PCDH15: variants seen among roughly 807,000 people sequenced by gnomAD.
PCDH15 encodes protocadherin-15.
Under a neutral mutation model 178.5 loss-of-function variants are expected in PCDH15, and 129 were observed. The observed-to-expected ratio is 0.72, with a 90% CI of 0.63 to 0.84. PCDH15 has a LOEUF of 0.84. Among genes scored for constraint, PCDH15 ranks in the 40% least tolerant of loss-of-function variants. PCDH15 has a pLI of 0.00. For synonymous variants in PCDH15, 800 were observed against 732.0 expected (o/e 1.09, Z -1.50); for missense variants, 2,230 against 2,099.9 (o/e 1.06, Z -1.21).
chr10:54,745,586 C>G (rs1396374079), intron 1 of PCDH15, among the ~76,000 whole-genome samples: 1 of 152,146 alleles, frequency 6.6e-6, no homozygotes, highest in Non-Finnish European at 1.5e-5. Context: ...TAAGGGGTTT[C>G]TGGCTGGATT....
intron 2 of PCDH15, among the ~76,000 whole-genome samples, chr10:54,562,623 G>A (rs763839833): frequency 2.6e-5 from 4 of 151,958 alleles, no homozygotes; most frequent in Non-Finnish European, 5.9e-5. Flanking sequence ...ATAATACCTA[G>A]ATATACATAC....
intron 1 of PCDH15, among the ~76,000 whole-genome samples, chr10:54,791,333 T>G (rs540873022): frequency 2.0e-5 from 3 of 152,008 alleles, no homozygotes; most frequent in African/African-American, 7.2e-5. Flanking sequence ...GAAGCAAGAT[T>G]GCAGTAGAGA....
At chr10:55,196,366 A>G in intron 1 of PCDH15, among the ~76,000 whole-genome samples, 1 of 152,078 alleles carries the variant, frequency 6.6e-6, no homozygotes, top group Non-Finnish European at 1.5e-5. Context: ...TTACCTTTCA[A>G]TGGCTTTATA....
At chr10:54,167,229 C>A (rs1310121814) in intron 13 of PCDH15, among the ~76,000 whole-genome samples, 1 of 152,128 alleles carries the variant, frequency 6.6e-6, no homozygotes, top group Non-Finnish European at 1.5e-5. Flanking sequence ...GACCTCAGGT[C>A]CTCAGACCGA....
intron 2 of PCDH15, among the ~76,000 whole-genome samples, chr10:55,602,602 T>G (rs1235772658): frequency 6.6e-6 from 1 of 151,952 alleles, no homozygotes; most frequent in African/African-American, 2.4e-5. Context: ...GCAGCCTAAC[T>G]GGGAGGCACC....
At chr10:53,888,345 TATAC>T (rs1334472490) in intron 26 of PCDH15, among the ~76,000 whole-genome samples, 3 of 70,376 alleles carry the variant, frequency 4.3e-5, no homozygotes, top group Admixed American at 2.1e-4. Context: ...CGTATATATA[TATAC>T]GTATATATAC....
intron 28 of PCDH15, among the ~76,000 whole-genome samples, chr10:53,853,325 AAC>A (rs2078513156): frequency 6.6e-6 from 1 of 152,064 alleles, no homozygotes; most frequent in Non-Finnish European, 1.5e-5. Flanking sequence ...CCTAGAATAA[AAC>A]GTATGAGAGG....
At chr10:54,302,419 A>G (rs2060198508) in intron 8 of PCDH15, among the ~76,000 whole-genome samples, 2 of 152,104 alleles carry the variant, frequency 1.3e-5, no homozygotes, top group African/African-American at 4.8e-5. Context: ...TGAAATCCTA[A>G]CCCTCAAGAT....
At chr10:54,662,585 AAG>A (rs2094508233) in intron 2 of PCDH15, among the ~76,000 whole-genome samples, 1 of 151,972 alleles carries the variant, frequency 6.6e-6, no homozygotes, top group African/African-American at 2.4e-5. Context: ...TTATAAGACT[AAG>A]AGCTACAACA....
chr10:54,910,503 A>G (rs760077196), intron 2 of PCDH15, among the ~76,000 whole-genome samples: 31 of 152,178 alleles, frequency 2.0e-4, no homozygotes, highest in Non-Finnish European at 4.1e-4. Flanking sequence ...TTAGATTAAG[A>G]TAGATGTCAT....
chr10:55,379,167 T>C (rs1837472956), intron 2 of PCDH15, among the ~76,000 whole-genome samples: 2 of 151,856 alleles, frequency 1.3e-5, no homozygotes, highest in African/African-American at 4.8e-5. Flanking sequence ...AACAAATCTT[T>C]GTTAAGAGCC....
intron 20 of PCDH15, among the ~76,000 whole-genome samples, chr10:54,014,467 A>G (rs2135205070): frequency 6.6e-6 from 1 of 152,258 alleles, no homozygotes. Context: ...AACAACAAAA[A>G]AGAAAACTTC....
At chr10:55,171,184 A>T (rs530390932) in intron 1 of PCDH15, among the ~76,000 whole-genome samples, 31 of 152,322 alleles carry the variant, frequency 2.0e-4, no homozygotes, top group Non-Finnish European at 3.5e-4. Context: ...ACTACCCTCC[A>T]GCTTTTTCCT....
At chr10:55,561,930 C>T (rs535311404) in intron 2 of PCDH15, among the ~76,000 whole-genome samples, 100 of 151,702 alleles carry the variant, frequency 6.6e-4, no homozygotes, top group Non-Finnish European at 1.0e-3. Flanking sequence ...TATTAAATGT[C>T]GTTTTATGAT....
At chr10:54,017,592 T>C (rs1160709605) in intron 20 of PCDH15, among the ~76,000 whole-genome samples, 1 of 152,076 alleles carries the variant, frequency 6.6e-6, no homozygotes, top group Non-Finnish European at 1.5e-5. Flanking sequence ...AAATATTGGG[T>C]ACTCCTGGAC....
chr10:54,107,554 T>C (rs2094938245), intron 15 of PCDH15, among the ~76,000 whole-genome samples: 1 of 152,044 alleles, frequency 6.6e-6, no homozygotes, highest in South Asian at 2.1e-4. Flanking sequence ...AATGTGGCCA[T>C]GTTTGGAAGA....
chr10:53,810,318 A>G (rs2075819375), intron 37 of PCDH15, among the ~76,000 whole-genome samples: 1 of 152,172 alleles, frequency 6.6e-6, no homozygotes, highest in Non-Finnish European at 1.5e-5. Context: ...CATAATTTTC[A>G]TTGTGCCCTT....
Position 54,519,450 on chromosome 10 carries a change from C to G in PCDH15, c.157+8362G>C, listed in dbSNP as rs1288791919. 2.6e-5 allele frequency among the ~76,000 whole-genome samples: 4 copies of G among 152,216 alleles called. No homozygotes were observed. In the East Asian group the frequency reaches 7.7e-4, roughly 29 times the overall value. ...AACAGAGAGCCAAATCATGAGTGAA[C>G]TCCCATTCACAATTGCTTCAAAGAG... On this transcript the variant is annotated intron_variant, in intron 3 of 37. Transcript: ENST00000644397.
At chr10:55,616,649 A>G (rs575438252) in intron 2 of PCDH15, among the ~76,000 whole-genome samples, 1 of 152,166 alleles carries the variant, frequency 6.6e-6, no homozygotes, top group South Asian at 2.1e-4. Flanking sequence ...AGTCAGGGAG[A>G]ATGGGAACCT....
Sources: gnomAD v4.1 joint callset for allele counts (sites outside exome capture counted in the v4.1 genomes callset) on GRCh38, gnomAD v4.1.1 for gene constraint, MANE v1.5 for transcripts, NCBI Gene and HGNC (gene_info 2026-07-23, HGNC 2026-07-21) for gene names.